The following GALNT10 variants were observed in gnomAD, a reference collection of about 807,000 sequenced individuals.
GALNT10 encodes GalNAc transferase 10.
In GALNT10, 41 loss-of-function variants were observed where a neutral mutation model predicts 75.0. That is an observed-to-expected ratio of 0.55 (90% CI 0.43 to 0.71). The LOEUF (loss-of-function observed/expected upper bound fraction) is 0.71, where lower values mean the gene tolerates loss of function less well. Among genes scored for constraint, GALNT10 ranks in the 30% least tolerant of loss-of-function variants. GALNT10 has a pLI of 0.00. For missense variants in GALNT10, 727 were observed against 818.5 expected (o/e 0.89, Z 1.36); for synonymous variants, 302 against 313.0 (o/e 0.96, Z 0.37).
chr5:154,353,156 G>T (rs1391300935), intron 4 of GALNT10, among the ~76,000 whole-genome samples: 2 of 152,130 alleles, frequency 1.3e-5, no homozygotes, highest in Non-Finnish European at 2.9e-5. Flanking sequence ...ACTTTTGTTT[G>T]TTTTGTTTTC....
At chr5:154,283,974 G>A (rs1207954718) in intron 1 of GALNT10, among the ~76,000 whole-genome samples, 1 of 152,230 alleles carries the variant, frequency 6.6e-6, no homozygotes, top group Non-Finnish European at 1.5e-5. Context: ...GATCCACAAG[G>A]AAGGATATTA....
At chr5:154,294,544 C>T (rs913091329) in intron 1 of GALNT10, among the ~76,000 whole-genome samples, 1 of 152,194 alleles carries the variant, frequency 6.6e-6, no homozygotes, top group Non-Finnish European at 1.5e-5. Flanking sequence ...CACTTTCTCC[C>T]TTGGGTGAAA....
intron 5 of GALNT10, among the ~76,000 whole-genome samples, chr5:154,378,131 G>A (rs898414262): frequency 2.6e-5 from 4 of 152,200 alleles, no homozygotes; most frequent in African/African-American, 7.2e-5. Flanking sequence ...AACCAGTGAT[G>A]TAGATTTAAA....
chr5:154,371,373 G>A (rs112096631), intron 4 of GALNT10, among the ~76,000 whole-genome samples: 3 of 152,180 alleles, frequency 2.0e-5, no homozygotes, highest in African/African-American at 7.2e-5. Flanking sequence ...ACTTCAATAT[G>A]TCTTTTTGGG....
At chr5:154,215,529 T>G (rs1373856156) in intron 1 of GALNT10, among the ~76,000 whole-genome samples, 1 of 152,182 alleles carries the variant, frequency 6.6e-6, no homozygotes, top group East Asian at 1.9e-4. Flanking sequence ...TATCTAGGTA[T>G]TGGCTTGAAT....
intron 3 of GALNT10, among the ~76,000 whole-genome samples, chr5:154,320,272 A>G (rs1283222673): frequency 6.6e-6 from 1 of 152,230 alleles, no homozygotes; most frequent in Non-Finnish European, 1.5e-5. Flanking sequence ...ATAATCTTTA[A>G]TTCCATGATT....
chr5:154,240,987 T>A (rs1753326469), intron 1 of GALNT10, among the ~76,000 whole-genome samples: 1 of 152,208 alleles, frequency 6.6e-6, no homozygotes, highest in African/African-American at 2.4e-5. Context: ...AGTACAGCTT[T>A]CCAGTGAGGA....
intron 1 of GALNT10, among the ~76,000 whole-genome samples, chr5:154,290,083 A>G (rs1402655555): frequency 6.9e-6 from 1 of 144,418 alleles, no homozygotes; most frequent in Non-Finnish European, 1.5e-5. Context: ...GGCTCCATGT[A>G]CTCTGTAATT....
intron 4 of GALNT10, among the ~76,000 whole-genome samples, chr5:154,331,320 G>A (rs1754860561): frequency 2.0e-5 from 3 of 152,138 alleles, no homozygotes; most frequent in Admixed American, 2.0e-4. Flanking sequence ...TCCACAAAGC[G>A]AGGCCTATGA....
At position 154,409,272 on chromosome 5, in the gene GALNT10, A is replaced by C. The variant is rs1298369037; in HGVS notation, c.1165-269A>C. 1.3e-5 allele frequency among the ~76,000 whole-genome samples: 2 copies of C among 152,176 alleles called. No homozygotes were observed. The highest frequency in any genetic ancestry group is 1.9e-4 in the East Asian group (1 of 5,194). On this transcript the variant is annotated intron_variant, in intron 8 of 11. Transcript: ENST00000297107. This position sits in a 1 kb window ranked among gnomAD's most constrained non-coding sequence, Gnocchi z 4.5. ...CAGGGTGGCTCCCCAGAGGAAAATC[A>C]GTGGGGGCTATCGCTAGAAGAAGAT...
At chr5:154,385,992 G>T (rs965116180) in intron 6 of GALNT10, among the ~76,000 whole-genome samples, 1 of 152,158 alleles carries the variant, frequency 6.6e-6, no homozygotes, top group African/African-American at 2.4e-5. Flanking sequence ...CTAGTGAGAG[G>T]ACTAACATGT....
At chr5:154,303,621 A>C (rs969122733) in intron 3 of GALNT10, among the ~76,000 whole-genome samples, 1 of 152,208 alleles carries the variant, frequency 6.6e-6, no homozygotes, top group African/African-American at 2.4e-5. Flanking sequence ...TAGAGTACTT[A>C]GAAGAGTTTT....
intron 7 of GALNT10, among the ~76,000 whole-genome samples, chr5:154,403,459 G>A (rs1304890419): frequency 3.9e-5 from 6 of 152,206 alleles, no homozygotes; most frequent in African/African-American, 1.4e-4. Flanking sequence ...AGACCCAGCT[G>A]CACAGCCTAG....
At chr5:154,373,453 C>T (rs1399310963) in intron 4 of GALNT10, among the ~76,000 whole-genome samples, 3 of 152,186 alleles carry the variant, frequency 2.0e-5, no homozygotes, top group African/African-American at 7.2e-5. Context: ...ACCTTGGCAT[C>T]ATCATTTATA....
intron 3 of GALNT10, among the ~76,000 whole-genome samples, chr5:154,325,119 A>G (rs1754736422): frequency 6.6e-6 from 1 of 152,240 alleles, no homozygotes; most frequent in Non-Finnish European, 1.5e-5. Context: ...ATCCCTAAAA[A>G]TAAAGAGCTA....
intron 4 of GALNT10, among the ~76,000 whole-genome samples, chr5:154,357,736 A>C (rs1755318335): frequency 6.6e-6 from 1 of 152,132 alleles, no homozygotes; most frequent in Non-Finnish European, 1.5e-5. Flanking sequence ...TTTCCCACAT[A>C]TGCCTTAGCT....
intron 1 of GALNT10, among the ~76,000 whole-genome samples, chr5:154,284,594 C>T (rs1204626443): frequency 6.6e-6 from 1 of 152,152 alleles, no homozygotes; most frequent in African/African-American, 2.4e-5. Flanking sequence ...CTGCCCAGCC[C>T]GTCAAGCCTC....
chr5:154,259,700 G>A (rs557652528), intron 1 of GALNT10, among the ~76,000 whole-genome samples: 1 of 152,254 alleles, frequency 6.6e-6, no homozygotes, highest in Middle Eastern at 3.4e-3. Flanking sequence ...GTGGAATGCT[G>A]GTTGAAAATC....
chr5:154,201,017 C>T (rs1448455361), intron 1 of GALNT10, among the ~76,000 whole-genome samples: 1 of 151,604 alleles, frequency 6.6e-6, no homozygotes, highest in Non-Finnish European at 1.5e-5. Flanking sequence ...AATCAAAGTT[C>T]AGCTGCTGAG....
Sources: gnomAD v4.1 joint callset for allele counts (sites outside exome capture counted in the v4.1 genomes callset) on GRCh38, gnomAD v4.1.1 for gene constraint, Gnocchi (gnomAD v3.1) non-coding constraint, MANE v1.5 for transcripts, NCBI Gene and HGNC (gene_info 2026-07-23, HGNC 2026-07-21) for gene names.